The following GULP1 variants were observed in gnomAD, a reference collection of about 807,000 sequenced individuals.
GULP1 encodes GULP PTB domain containing engulfment adaptor 1.
GULP1 carries 19 observed loss-of-function variants against 40.9 expected under a neutral mutation model. That is an observed-to-expected ratio of 0.46 (90% CI 0.32 to 0.68). The LOEUF (loss-of-function observed/expected upper bound fraction) is 0.68. Among genes scored for constraint, GULP1 ranks in the 30% least tolerant of loss-of-function variants. The pLI is 0.03. For synonymous variants in GULP1, 119 were observed against 117.6 expected (o/e 1.01, Z -0.08); for missense variants, 312 against 362.2 (o/e 0.86, Z 1.12).
chr2:188,540,358 GA>G (rs1690125517), intron 6 of GULP1, among the ~76,000 whole-genome samples: 1 of 151,680 alleles, frequency 6.6e-6, no homozygotes, highest in Non-Finnish European at 1.5e-5. Flanking sequence ...AGTAATTATA[GA>G]AACACATTTA....
intron 1 of GULP1, among the ~76,000 whole-genome samples, chr2:188,310,546 T>C (rs1449203128): frequency 6.6e-6 from 1 of 152,148 alleles, no homozygotes; most frequent in African/African-American, 2.4e-5. Flanking sequence ...AAGAATGTGA[T>C]TGGAAGAAAA....
chr2:188,378,677 C>A (rs2048616871), intron 1 of GULP1, among the ~76,000 whole-genome samples: 1 of 151,980 alleles, frequency 6.6e-6, no homozygotes, highest in Non-Finnish European at 1.5e-5. Context: ...GTGCCAGGCT[C>A]TTTTTAACAA....
intron 7 of GULP1, among the ~76,000 whole-genome samples, chr2:188,555,629 G>C (rs1329856576): frequency 1.3e-5 from 2 of 152,132 alleles, no homozygotes; most frequent in Non-Finnish European, 2.9e-5. Context: ...TCCTCTTGCT[G>C]TTTTTATAAT....
At chr2:188,434,403 C>T (rs1186565837) in intron 2 of GULP1, among the ~76,000 whole-genome samples, 1 of 150,960 alleles carries the variant, frequency 6.6e-6, no homozygotes. Context: ...GGTGACTTTG[C>T]CCAAGTTTAC....
intron 1 of GULP1, among the ~76,000 whole-genome samples, chr2:188,345,843 TATTC>T (rs1385613277): frequency 6.6e-6 from 1 of 152,234 alleles, no homozygotes; most frequent in African/African-American, 2.4e-5. Flanking sequence ...AAAGTGTTCG[TATTC>T]ATTCATTCAA....
chr2:188,566,671 C>T (rs1051434357), intron 7 of GULP1, among the ~76,000 whole-genome samples: 1 of 151,364 alleles, frequency 6.6e-6, no homozygotes, highest in Admixed American at 6.6e-5. Context: ...TGGTGCGTGC[C>T]TGTAGTCCCA....
At position 188,403,190 on chromosome 2, in the gene GULP1, C is replaced by G. The variant is rs565268572; in HGVS notation, c.-45+19301C>G. Among the ~76,000 whole-genome samples, 7 of 152,206 alleles carry G rather than the reference C, an allele frequency of 4.6e-5. No homozygotes were observed. In the East Asian group the frequency reaches 1.4e-3, roughly 29 times the overall value. ...TCCTACACTTTTGTACCCTAAGTCT[C>G]TCATATTTCATTCATTTCAGATTCC... On this transcript the variant is annotated intron_variant, in intron 2 of 11. Transcript: ENST00000409830.
rs547165912 is a variant in GULP1, at chr2:188,386,268, G to A, written c.-45+2379G>A. Among the ~76,000 whole-genome samples the A allele has an allele frequency of 3.9e-5, 6 of 152,182 alleles. No homozygotes were observed. The East Asian group carries it at 1.2e-3, about 30-fold the overall frequency. ...AAAACTCCCATTTTTAAAACCATCA[G>A]ATCTTGTGATGGTTTTAAACCCACT... is the stretch of plus-strand genomic sequence containing the variant. On this transcript the variant is annotated intron_variant, in intron 2 of 11. Coordinates refer to ENST00000409830, the MANE Select transcript of GULP1 (RefSeq NM_016315.4).
chr2:188,375,949 T>G (rs1327409505), intron 1 of GULP1, among the ~76,000 whole-genome samples: 3 of 152,164 alleles, frequency 2.0e-5, no homozygotes, highest in Non-Finnish European at 4.4e-5. Context: ...CAAGTAAGGC[T>G]GCAGTAGCCA....
intron 2 of GULP1, among the ~76,000 whole-genome samples, chr2:188,384,485 T>C (rs779739170): frequency 2.0e-5 from 3 of 152,116 alleles, no homozygotes; most frequent in South Asian, 2.1e-4. Flanking sequence ...TAAGATTTGG[T>C]TGGGGACACA....
intron 2 of GULP1, among the ~76,000 whole-genome samples, chr2:188,469,336 AGGTGT>A (rs767933537): frequency 6.6e-6 from 1 of 152,192 alleles, no homozygotes; most frequent in Non-Finnish European, 1.5e-5. Context: ...TGGAACACAA[AGGTGT>A]GGGATAATTT....
chr2:188,488,490 G>C, intron 4 of GULP1, among the ~76,000 whole-genome samples: 1 of 151,994 alleles, frequency 6.6e-6, no homozygotes, highest in East Asian at 1.9e-4. Context: ...TAATATAGTT[G>C]TTATAGAAAG....
chr2:188,474,876 T>C (rs538624664), intron 2 of GULP1, among the ~76,000 whole-genome samples: 222 of 152,294 alleles, frequency 1.5e-3, no homozygotes, highest in African/African-American at 5.1e-3. Flanking sequence ...ACTAAAACAA[T>C]ATTTGTGAAA....
intron 4 of GULP1, among the ~76,000 whole-genome samples, chr2:188,488,809 T>C (rs1439068016): frequency 6.6e-6 from 1 of 152,014 alleles, no homozygotes; most frequent in African/African-American, 2.4e-5. Context: ...TAGGAGATAC[T>C]TTGAGGTAAC....
rs2047716059 is a variant in GULP1 at position 188,372,400 on chromosome 2, A to G, written c.-171-11363A>G. Among the ~76,000 whole-genome samples, 3 of 152,036 alleles carry G rather than the reference A, an allele frequency of 2.0e-5. 1 individual carries two copies. The highest frequency in any genetic ancestry group is 2.0e-4 in the Admixed American group (3 of 15,258). ...TTACATAACCTGTTTCTTATGGTGA[A>G]ATGTCTGCGAAAGTTTACATGCAAG... On this transcript the variant is annotated intron_variant, in intron 1 of 11. Coordinates refer to ENST00000409830, the MANE Select transcript of GULP1 (RefSeq NM_016315.4).
intron 6 of GULP1, among the ~76,000 whole-genome samples, chr2:188,539,872 A>G (rs1349486781): frequency 6.6e-6 from 1 of 152,104 alleles, no homozygotes; most frequent in South Asian, 2.1e-4. Flanking sequence ...TTTCATATCA[A>G]TGATTCTTAT....
chr2:188,529,469 G>T (rs1686995742), intron 6 of GULP1, among the ~76,000 whole-genome samples: 1 of 152,064 alleles, frequency 6.6e-6, no homozygotes, highest in Admixed American at 6.6e-5. Flanking sequence ...TTTTTCATGA[G>T]ATGTGAAAGA....
chr2:188,533,916 A>G (rs1366561595), intron 6 of GULP1, among the ~76,000 whole-genome samples: 1 of 152,216 alleles, frequency 6.6e-6, no homozygotes, highest in Admixed American at 6.5e-5. Flanking sequence ...AATTAAAATC[A>G]AAACCACAAT....
intron 1 of GULP1, among the ~76,000 whole-genome samples, chr2:188,334,231 T>C (rs1216839676): frequency 2.0e-5 from 3 of 152,200 alleles, no homozygotes; most frequent in East Asian, 1.9e-4. Context: ...ATAACGTTGG[T>C]AAGCATTCTA....
Sources: gnomAD v4.1 joint callset for allele counts (sites outside exome capture counted in the v4.1 genomes callset) on GRCh38, gnomAD v4.1.1 for gene constraint, MANE v1.5 for transcripts, NCBI Gene and HGNC (gene_info 2026-07-23, HGNC 2026-07-21) for gene names.